POU2AF2: variants seen among roughly 807,000 people sequenced by gnomAD.
The protein encoded by POU2AF2 is POU class 2 homeobox associating factor 2, also known as POU domain class 2-associating factor 2.
At chr11:111,275,845 A>C in the POU2AF2 span, among the ~76,000 whole-genome samples, 3 of 152,240 alleles carry the variant, frequency 2.0e-5, no homozygotes, top group East Asian at 5.8e-4. Flanking sequence ...AAAATATAAA[A>C]TCATGAATAT....
chr11:111,285,622 A>T, the POU2AF2 span: 1 of 1,588,278 alleles, frequency 6.3e-7, no homozygotes, highest in Non-Finnish European at 8.5e-7. Flanking sequence ...CACCTAGTGA[A>T]TAACCTCCGT....
the POU2AF2 span, among the ~76,000 whole-genome samples, chr11:111,249,602 T>G: frequency 6.6e-6 from 1 of 152,198 alleles, no homozygotes; most frequent in Non-Finnish European, 1.5e-5. Context: ...CTTTCCCATT[T>G]TCTAAAGACC....
At chr11:111,256,198 A>T in the POU2AF2 span, 1 of 397,438 alleles carries the variant, frequency 2.5e-6, no homozygotes, top group South Asian at 1.4e-4. Flanking sequence ...CTCAAAACAA[A>T]GCCTTCCTTT....
the POU2AF2 span, chr11:111,285,747 G>T: frequency 1.2e-6 from 2 of 1,613,440 alleles, no homozygotes; most frequent in East Asian, 2.2e-5. Context: ...AGCACGAGTT[G>T]CCTCTCCCAG....
the POU2AF2 span, among the ~76,000 whole-genome samples, chr11:111,273,399 A>G: frequency 6.6e-6 from 1 of 152,242 alleles, no homozygotes; most frequent in Non-Finnish European, 1.5e-5. Flanking sequence ...TCAATATGGT[A>G]TCATCAGCTC....
chr11:111,254,785 A>G, the POU2AF2 span, among the ~76,000 whole-genome samples: 841 of 152,298 alleles, frequency 5.5e-3, 3 homozygotes, highest in African/African-American at 0.019. Flanking sequence ...TGTGCCTCAT[A>G]CGTACATTTG....
At chr11:111,264,577 G>GAGA in the POU2AF2 span, among the ~76,000 whole-genome samples, 180 of 22,950 alleles carry the variant, frequency 7.8e-3, 33 homozygotes, top group African/African-American at 0.014. Flanking sequence ...AGAAAGAAAG[G>GAGA]GAGAGAGAAA....
chr11:111,261,937 C>G, the POU2AF2 span, among the ~76,000 whole-genome samples: 1 of 152,068 alleles, frequency 6.6e-6, no homozygotes, highest in African/African-American at 2.4e-5. Context: ...TAATAACAGC[C>G]TTGATTTTTA....
the POU2AF2 span, among the ~76,000 whole-genome samples, chr11:111,285,351 A>T: frequency 1.3e-5 from 2 of 152,228 alleles, no homozygotes; most frequent in Non-Finnish European, 2.9e-5. Context: ...GACAGAGTGC[A>T]TTGCACACAG....
At chr11:111,279,585 T>A in the POU2AF2 span, among the ~76,000 whole-genome samples, 2 of 152,176 alleles carry the variant, frequency 1.3e-5, no homozygotes, top group Non-Finnish European at 2.9e-5. Context: ...CCTTGTCCCA[T>A]CTGCATCTGT....
At chr11:111,249,498 G>T in the POU2AF2 span, among the ~76,000 whole-genome samples, 1 of 152,100 alleles carries the variant, frequency 6.6e-6, no homozygotes, top group Non-Finnish European at 1.5e-5. Context: ...CCCTGCTTCA[G>T]AGCTTGGTTA....
chr11:111,272,377 T>G, the POU2AF2 span, among the ~76,000 whole-genome samples: 1 of 152,232 alleles, frequency 6.6e-6, no homozygotes, highest in Non-Finnish European at 1.5e-5. Flanking sequence ...GACAAGTCCT[T>G]CAGAAGTATC....
chr11:111,265,714 G>A, the POU2AF2 span, among the ~76,000 whole-genome samples: 1 of 152,142 alleles, frequency 6.6e-6, no homozygotes, highest in African/African-American at 2.4e-5. Context: ...CACTAAGGTA[G>A]ATAGGCACTG....
chr11:111,271,525 G>C, the POU2AF2 span, among the ~76,000 whole-genome samples: 4 of 152,064 alleles, frequency 2.6e-5, no homozygotes, highest in African/African-American at 4.8e-5. Context: ...GGGCTCGGGA[G>C]ATCTTCCTGC....
the POU2AF2 span, among the ~76,000 whole-genome samples, chr11:111,280,679 G>T: frequency 6.6e-6 from 1 of 152,130 alleles, no homozygotes; most frequent in East Asian, 1.9e-4. Flanking sequence ...TTTCACAATG[G>T]CCCGAAAGCA....
chr11:111,284,513 C>G, the POU2AF2 span: 1 of 1,078,646 alleles, frequency 9.3e-7, no homozygotes, highest in Non-Finnish European at 1.3e-6. Context: ...TTTGCAGCTG[C>G]CTAGAGATGC....
chr11:111,250,987 G>A, the POU2AF2 span, among the ~76,000 whole-genome samples: 4 of 152,154 alleles, frequency 2.6e-5, no homozygotes, highest in Non-Finnish European at 4.4e-5. Flanking sequence ...GGTTCTTCCT[G>A]TGAGCGTCAT....
chr11:111,284,286 T>C, the POU2AF2 span: 23 of 1,613,782 alleles, frequency 1.4e-5, no homozygotes, highest in Middle Eastern at 1.7e-4. Context: ...CCTCCGGCGC[T>C]GACGCCCAAC....
At chr11:111,263,427 CTTTTTTTTTTTTTTT>C in the POU2AF2 span, among the ~76,000 whole-genome samples, 1 of 96,146 alleles carries the variant, frequency 1.0e-5, no homozygotes, top group South Asian at 4.4e-4. Context: ...TACTGAAGTT[CTTTTTTTTTTTTTTT>C]TTTTTTTTGA....
Sources: gnomAD v4.1 joint callset for allele counts (sites outside exome capture counted in the v4.1 genomes callset) on GRCh38, gnomAD v4.1.1 for gene constraint, MANE v1.5 for transcripts, NCBI Gene and HGNC (gene_info 2026-07-23, HGNC 2026-07-21) for gene names.